The following ATP2B2 variants were observed in gnomAD, a reference collection of about 807,000 sequenced individuals.
The protein encoded by ATP2B2 is plasma membrane calcium-transporting ATPase 2.
ATP2B2 carries 15 observed loss-of-function variants against 120.0 expected under a neutral mutation model. That is an observed-to-expected ratio of 0.12 (90% confidence interval 0.08 to 0.19). The LOEUF is 0.19. ATP2B2 is among the 10% of genes least tolerant of loss of function. ATP2B2 has a pLI of 1.00. For synonymous variants in ATP2B2, 694 were observed against 700.3 expected (o/e 0.99, Z 0.14); for missense variants, 1,045 against 1,719.8 (o/e 0.61, Z 6.94).
intron 1 of ATP2B2, among the ~76,000 whole-genome samples, chr3:10,701,558 C>T (rs1209998627): frequency 1.3e-5 from 2 of 151,868 alleles, no homozygotes; most frequent in Non-Finnish European, 2.9e-5. Flanking sequence ...ATAAGAAACG[C>T]ATTCATCCAA....
At chr3:10,458,704 A>AGCAATTGCT (rs2064363428) in intron 1 of ATP2B2, among the ~76,000 whole-genome samples, 2 of 152,184 alleles carry the variant, frequency 1.3e-5, no homozygotes, top group South Asian at 4.2e-4. Context: ...TATGATGAAC[A>AGCAATTGCT]GCAATTGCTT....
chr3:10,450,210 G>A (rs1399842009), intron 1 of ATP2B2, among the ~76,000 whole-genome samples: 5 of 151,952 alleles, frequency 3.3e-5, no homozygotes, highest in African/African-American at 7.3e-5. Context: ...CCACACACAC[G>A]TCAACACCCA....
At chr3:10,617,766 G>C (rs1026544166) in intron 2 of ATP2B2, among the ~76,000 whole-genome samples, 2 of 152,242 alleles carry the variant, frequency 1.3e-5, no homozygotes, top group Non-Finnish European at 2.9e-5. Context: ...CTGGTGTCCT[G>C]TTCTGCCTTC....
intron 3 of ATP2B2, among the ~76,000 whole-genome samples, chr3:10,513,925 G>C (rs1004905128): frequency 6.6e-5 from 10 of 152,150 alleles, no homozygotes; most frequent in Non-Finnish European, 1.5e-4. Context: ...AGCTGGGTAG[G>C]AGGGATGCAG....
intron 1 of ATP2B2, among the ~76,000 whole-genome samples, chr3:10,452,983 T>G (rs764685912): frequency 4.6e-5 from 7 of 152,228 alleles, no homozygotes; most frequent in Non-Finnish European, 5.9e-5. Context: ...ACCTGGATTC[T>G]CTGTCTTAGC....
intron 2 of ATP2B2, among the ~76,000 whole-genome samples, chr3:10,589,932 G>A (rs535065262): frequency 7.2e-5 from 11 of 152,218 alleles, no homozygotes; most frequent in Admixed American, 4.6e-4. Flanking sequence ...CCCACCCCTA[G>A]GCATTTACCC....
chr3:10,687,836 G>A (rs939156069), intron 1 of ATP2B2, among the ~76,000 whole-genome samples: 4 of 152,098 alleles, frequency 2.6e-5, no homozygotes, highest in African/African-American at 9.7e-5. Context: ...ACTCCAGCCT[G>A]GGTGACAGAG....
chr3:10,611,815 T>A lies in ATP2B2; in HGVS notation c.-415+8102A>T, dbSNP rs566242818. ...ACCAGTGACTCCATCTCTCTAAGCC[T>A]TAGTTTTCTCACCTGTAAAATGGAG... On this transcript the variant is annotated intron_variant, in intron 2 of 21. Transcript: ENST00000646379. Among the ~76,000 whole-genome samples the A allele has an allele frequency of 4.7e-4, 71 of 152,300 alleles. 1 individual carries two copies. In the South Asian group the frequency reaches 0.011, roughly 23 times the overall value.
At chr3:10,614,250 T>C (rs1047946692) in intron 2 of ATP2B2, among the ~76,000 whole-genome samples, 1 of 152,162 alleles carries the variant, frequency 6.6e-6, no homozygotes, top group Non-Finnish European at 1.5e-5. Flanking sequence ...TGGCTCCGTA[T>C]GTATTTGCTG....
intron 1 of ATP2B2, among the ~76,000 whole-genome samples, chr3:10,663,384 G>A (rs1438566758): frequency 6.6e-6 from 1 of 152,138 alleles, no homozygotes; most frequent in African/African-American, 2.4e-5. Context: ...GCCAGGGACA[G>A]GGGAAAAACA....
In ATP2B2 at chr3:10,414,326, C is replaced by T. The variant is rs957978523; in HGVS notation, c.200-3511G>A. ...GAAGTCAGGCCATATCATGCTGGGG[C>T]TCTGTCATGCTGGGAATCCACAGGC... On this transcript the variant is annotated intron_variant, in intron 2 of 22. Coordinates refer to ENST00000360273, the MANE Select transcript of ATP2B2 (RefSeq NM_001001331.4). Among the ~76,000 whole-genome samples, 8 of 152,254 alleles carry T rather than the reference C, an allele frequency of 5.3e-5. No homozygotes were observed. The East Asian group carries it at 1.5e-3, about 29-fold the overall frequency.
At chr3:10,363,357 A>G (rs1268956566) in intron 12 of ATP2B2, among the ~76,000 whole-genome samples, 1 of 152,168 alleles carries the variant, frequency 6.6e-6, no homozygotes, top group Non-Finnish European at 1.5e-5. Context: ...AGGCATTGGT[A>G]TTGTTCCTGT....
chr3:10,577,927 T>A (rs1307476064), intron 2 of ATP2B2, among the ~76,000 whole-genome samples: 1 of 152,126 alleles, frequency 6.6e-6, no homozygotes, highest in African/African-American at 2.4e-5. Context: ...CTAATAACTA[T>A]TGCTTATATT....
intron 1 of ATP2B2, among the ~76,000 whole-genome samples, chr3:10,487,425 G>A (rs775076926): frequency 6.6e-6 from 1 of 152,208 alleles, no homozygotes; most frequent in African/African-American, 2.4e-5. Context: ...GTCCTGCCTG[G>A]CTTACCTTAG....
chr3:10,637,948 T>G (rs560750955), intron 1 of ATP2B2, among the ~76,000 whole-genome samples: 3 of 152,034 alleles, frequency 2.0e-5, no homozygotes, highest in African/African-American at 7.2e-5. Context: ...GATGACAGAT[T>G]TTTTCACTAG....
At chr3:10,398,197 G>T (rs2062105101) in intron 5 of ATP2B2, among the ~76,000 whole-genome samples, 1 of 152,124 alleles carries the variant, frequency 6.6e-6, no homozygotes. Context: ...TCCAGGGAAG[G>T]CCACTAGAAA....
intron 1 of ATP2B2, among the ~76,000 whole-genome samples, chr3:10,649,160 T>G (rs1183663510): frequency 6.6e-6 from 1 of 152,198 alleles, no homozygotes; most frequent in African/African-American, 2.4e-5. Context: ...CTTCCCACCT[T>G]GGCCTCCCAA....
chr3:10,351,346 T>C (rs994262792), intron 14 of ATP2B2, among the ~76,000 whole-genome samples: 35 of 149,840 alleles, frequency 2.3e-4, no homozygotes, highest in African/African-American at 7.5e-4. Flanking sequence ...CAGAAATCAA[T>C]GGAACGAGTG....
intron 1 of ATP2B2, among the ~76,000 whole-genome samples, chr3:10,487,007 C>A (rs530921117): frequency 2.0e-5 from 3 of 152,262 alleles, no homozygotes; most frequent in African/African-American, 7.2e-5. Flanking sequence ...GGATTACAGG[C>A]GTGAGCCATT....
Sources: gnomAD v4.1 joint callset for allele counts (sites outside exome capture counted in the v4.1 genomes callset) on GRCh38, gnomAD v4.1.1 for gene constraint, MANE v1.5 for transcripts, NCBI Gene and HGNC (gene_info 2026-07-23, HGNC 2026-07-21) for gene names.